The following EFCAB13 variants were observed in gnomAD, a reference collection of about 807,000 sequenced individuals.
EFCAB13 encodes the protein EF-hand calcium-binding domain-containing protein 13.
A neutral mutation model predicts 110.2 loss-of-function variants in EFCAB13; 91 were observed. The observed-to-expected ratio is 0.83, with a 90% CI of 0.70 to 0.98. The LOEUF (loss-of-function observed/expected upper bound fraction) is 0.98. Among genes scored for constraint, EFCAB13 ranks in the 50% least tolerant of loss-of-function variants. The pLI is 0.00. For synonymous variants in EFCAB13, 323 were observed against 369.9 expected (o/e 0.87, Z 1.45); for missense variants, 968 against 1,119.4 (o/e 0.86, Z 1.93).
chr17:47,390,243 GA>G (rs1839555213), intron 14 of EFCAB13, among the ~76,000 whole-genome samples: 3 of 151,944 alleles, frequency 2.0e-5, no homozygotes, highest in Admixed American at 6.6e-5. Context: ...CTTATTGAGA[GA>G]GGGGTAGAAT....
At chr17:47,369,060 T>A (rs1185955216) in intron 10 of EFCAB13, among the ~76,000 whole-genome samples, 1 of 152,214 alleles carries the variant, frequency 6.6e-6, no homozygotes. Context: ...TCCATGCACC[T>A]TTAATCATCG....
intron 17 of EFCAB13, 110 bp from the exon 18 acceptor site, chr17:47,402,022 A>C: frequency 2.5e-6 from 2 of 786,656 alleles, no homozygotes; most frequent in Non-Finnish European, 4.4e-6. Context: ...TATGAAAAGG[A>C]AATATGATTC....
chr17:47,347,362 G>T (rs577375885), intron 8 of EFCAB13, among the ~76,000 whole-genome samples: 1 of 152,226 alleles, frequency 6.6e-6, no homozygotes, highest in Non-Finnish European at 1.5e-5. Flanking sequence ...AAAAAATTCA[G>T]TTCAATAGAC....
intron 15 of EFCAB13, among the ~76,000 whole-genome samples, chr17:47,393,770 A>T (rs1055592037): frequency 6.6e-6 from 1 of 150,662 alleles, no homozygotes; most frequent in South Asian, 2.1e-4. Context: ...AAAAATAAAT[A>T]AAAGTTAAAA....
At chr17:47,395,033 C>T (rs1344183572) in intron 16 of EFCAB13, among the ~76,000 whole-genome samples, 1 of 152,066 alleles carries the variant, frequency 6.6e-6, no homozygotes, top group Non-Finnish European at 1.5e-5. Context: ...CCCTTTACCC[C>T]TCCGCTTTCT....
chr17:47,390,347 TTCTC>T (rs954177998), intron 14 of EFCAB13, among the ~76,000 whole-genome samples: 13 of 138,166 alleles, frequency 9.4e-5, no homozygotes, highest in East Asian at 2.7e-4. Flanking sequence ...CACACACACT[TTCTC>T]TCTCTCTCTC....
chr17:47,421,435 T>TTAA (rs1470529959), intron 23 of EFCAB13, among the ~76,000 whole-genome samples: 1 of 151,840 alleles, frequency 6.6e-6, no homozygotes, highest in Non-Finnish European at 1.5e-5. Context: ...GGCAGCATGC[T>TTAA]CCTTAAGAGT....
At chr17:47,349,519 G>A (rs1171134403) in intron 9 of EFCAB13, among the ~76,000 whole-genome samples, 1 of 151,852 alleles carries the variant, frequency 6.6e-6, no homozygotes, top group Non-Finnish European at 1.5e-5. Context: ...ATTTTTTTCT[G>A]GTAAATATTC....
intron 24 of EFCAB13, among the ~76,000 whole-genome samples, chr17:47,434,521 A>T (rs1230164674): frequency 6.6e-6 from 1 of 152,170 alleles, no homozygotes; most frequent in African/African-American, 2.4e-5. Context: ...TACCATGATC[A>T]TTCTTCACAG....
rs1283312479 is a variant in EFCAB13, at chr17:47,391,605, C to T, written c.1726+25C>T. Reference sequence around the variant, plus strand: ...GGTGAGTGATATATTTTCAGGCAAACTGCATTGACACATCTGGAAGGAGGG... The same window carrying T: ...GGTGAGTGATATATTTTCAGGCAAATTGCATTGACACATCTGGAAGGAGGG... On this transcript the variant is annotated intron_variant, in intron 15 of 24. Transcript: ENST00000331493. The T allele has an allele frequency of 1.0e-5, 16 of 1,540,448 alleles. No individual in the cohort carries two copies. In the East Asian group the frequency reaches 3.0e-4, roughly 29 times the overall value.
intron 17 of EFCAB13, among the ~76,000 whole-genome samples, chr17:47,398,123 C>T (rs1389602649): frequency 1.5e-4 from 22 of 145,378 alleles, no homozygotes; most frequent in Non-Finnish European, 3.3e-4. Flanking sequence ...GGGGGGTCAG[C>T]CCCCCCCTGG....
rs189947830 is a variant in EFCAB13, at chr17:47,346,353, A to G, written c.517+1255A>G. 4.4e-3 allele frequency among the ~76,000 whole-genome samples: 663 copies of G among 149,612 alleles called. 6 individuals are homozygous for G. Among genetic ancestry groups the G allele is most frequent in the African/African-American group, 0.016 (642 of 40,474 alleles). The stretch of plus-strand genomic sequence containing the variant: ...ACTTAGCATAATGTCCTTCATATTC[A>G]TTCATGTTATTACATATTACAGGAT... On this transcript the variant is annotated intron_variant, in intron 8 of 24. Transcript: ENST00000331493.
intron 14 of EFCAB13, among the ~76,000 whole-genome samples, chr17:47,385,697 G>A (rs2065672082): frequency 6.6e-6 from 1 of 152,080 alleles, no homozygotes; most frequent in African/African-American, 2.4e-5. Context: ...CTAGAGAGGA[G>A]TTGCAATCAT....
At chr17:47,433,353 C>T (rs538782904) in intron 24 of EFCAB13, among the ~76,000 whole-genome samples, 2 of 152,042 alleles carry the variant, frequency 1.3e-5, no homozygotes, top group African/African-American at 2.4e-5. Flanking sequence ...CATATTTTTT[C>T]GTCGTAAAGT....
intron 14 of EFCAB13, among the ~76,000 whole-genome samples, chr17:47,381,018 G>A (rs575141034): frequency 2.0e-5 from 3 of 151,880 alleles, no homozygotes; most frequent in African/African-American, 7.2e-5. Flanking sequence ...GAGTAGCTGG[G>A]ACTACAGGTA....
chr17:47,325,580 C>T (rs1357896736), intron 2 of EFCAB13, among the ~76,000 whole-genome samples: 1 of 152,062 alleles, frequency 6.6e-6, no homozygotes, highest in Non-Finnish European at 1.5e-5. Context: ...CCTCCTGGGG[C>T]CTTCCCACTA....
intron 10 of EFCAB13, among the ~76,000 whole-genome samples, chr17:47,362,475 A>G (rs2143321995): frequency 6.6e-6 from 1 of 152,218 alleles, no homozygotes; most frequent in East Asian, 1.9e-4. Flanking sequence ...AACACCCGCT[A>G]CTTAGCAGAC....
chr17:47,392,364 G>A (rs2143413344), intron 15 of EFCAB13, among the ~76,000 whole-genome samples: 1 of 151,982 alleles, frequency 6.6e-6, no homozygotes, highest in East Asian at 1.9e-4. Context: ...TGACTTTTTT[G>A]TAAGCTAATT....
chr17:47,396,027 A>G, intron 17 of EFCAB13, 50 bp downstream of exon 17: 1 of 1,477,966 alleles, frequency 6.8e-7, no homozygotes. Flanking sequence ...ATATTACTTT[A>G]TTTTCTGTCA....
Sources: allele counts gnomAD v4.1 joint callset (sites outside exome capture counted in the v4.1 genomes callset), GRCh38; gene constraint gnomAD v4.1.1; transcripts MANE v1.5; gene names NCBI Gene and HGNC (gene_info 2026-07-23, HGNC 2026-07-21).